Variants in UNC13A observed in about 807,000 individuals in gnomAD.
UNC13A encodes the protein protein unc-13 homolog A.
UNC13A carries 61 observed loss-of-function variants against 219.7 expected under a neutral mutation model. That is an observed-to-expected ratio of 0.28 (90% confidence interval 0.23 to 0.34). The LOEUF is 0.34. Among genes scored for constraint, UNC13A ranks in the 10% least tolerant of loss-of-function variants. The pLI, the probability that UNC13A is intolerant of heterozygous loss-of-function variation, is 1.00. For synonymous variants in UNC13A, 920 were observed against 884.6 expected (o/e 1.04, Z -0.71); for missense variants, 1,476 against 2,270.3 (o/e 0.65, Z 7.11).
intron 11 of UNC13A, among the ~76,000 whole-genome samples, chr19:17,653,329 A>AATAT (rs58439414): frequency 0.45 from 66,165 of 148,336 alleles, 16,261 homozygotes; most frequent in East Asian, 0.66. Flanking sequence ...TCCTGAAATA[A>AATAT]ATATATATAT....
intron 34 of UNC13A, among the ~76,000 whole-genome samples, chr19:17,626,137 A>G (rs1293918476): frequency 6.8e-6 from 1 of 146,272 alleles, no homozygotes; most frequent in African/African-American, 2.6e-5. Flanking sequence ...ATTTATCCAC[A>G]TATCCAACCA....
At chr19:17,608,597 A>C (rs1483611484) in intron 43 of UNC13A, among the ~76,000 whole-genome samples, 5 of 149,572 alleles carry the variant, frequency 3.3e-5, no homozygotes, top group African/African-American at 1.2e-4. Context: ...GGCTCACTGC[A>C]AGCTCTGCCT....
chr19:17,610,300 T>A (rs1472660423), intron 42 of UNC13A, among the ~76,000 whole-genome samples: 2 of 151,900 alleles, frequency 1.3e-5, no homozygotes, highest in Non-Finnish European at 2.9e-5. Context: ...ACCCTGTCTC[T>A]ACGAAAAATA....
intron 28 of UNC13A, among the ~76,000 whole-genome samples, chr19:17,632,326 C>T (rs1027076328): frequency 6.6e-6 from 1 of 152,068 alleles, no homozygotes; most frequent in East Asian, 1.9e-4. Context: ...ATTACAGGCA[C>T]AAGCCACTGT....
intron 36 of UNC13A, 77 bp downstream of exon 36, chr19:17,623,465 G>T: frequency 8.4e-7 from 1 of 1,194,192 alleles, no homozygotes; most frequent in Non-Finnish European, 1.2e-6. Flanking sequence ...GTGGGGAGAG[G>T]GGTGCAGCGA....
At position 17,633,888 on chromosome 19, in the gene UNC13A, CCCAT is replaced by C. The variant is rs779313741; in HGVS notation, c.3216-699_3216-696del. 2.9e-3 allele frequency among the ~76,000 whole-genome samples: 425 copies of C among 144,970 alleles called. 1 individual carries two copies. The highest frequency in any genetic ancestry group is 1.0e-2 in the African/African-American group (388 of 38,912). ...ACCCATCTATCTATTCATCTATCCA[CCCAT>C]CCATCCATCCATCCCTCTTTCCATT... is the stretch of plus-strand genomic sequence containing the variant. On this transcript the variant is annotated intron_variant, in intron 26 of 43. Coordinates refer to ENST00000519716, the MANE Select transcript of UNC13A (RefSeq NM_001080421.3).
At chr19:17,631,159 C>G (rs1341490507) in intron 28 of UNC13A, among the ~76,000 whole-genome samples, 451 of 21,292 alleles carry the variant, frequency 0.021, 2 homozygotes, top group Middle Eastern at 0.056. Flanking sequence ...TGTTTTCTCC[C>G]TCCCTCCCTC....
At chr19:17,626,807 G>A in intron 33 of UNC13A, 22 bp from the exon 34 acceptor site, 1 of 1,599,302 alleles carries the variant, frequency 6.3e-7, no homozygotes, top group African/African-American at 1.3e-5. Context: ...GAAGGGAAGG[G>A]CTCAGACCAC....
chr19:17,628,130 C>G (rs2076803154), intron 31 of UNC13A, 190 bp from the exon 32 acceptor site: 5 of 597,274 alleles, frequency 8.4e-6, no homozygotes, highest in Non-Finnish European at 1.5e-5. Context: ...GGGCGGGCAT[C>G]TCTGGGGACT....
chr19:17,623,396 A>C (rs910483855), intron 36 of UNC13A, 146 bp downstream of exon 36: 1 of 565,990 alleles, frequency 1.8e-6, no homozygotes. Context: ...CGCCCCAGAC[A>C]GACACAGGCA....
chr19:17,624,712 G>A (rs2144977924), intron 35 of UNC13A, 117 bp downstream of exon 35: 1 of 1,402,278 alleles, frequency 7.1e-7, no homozygotes, highest in Non-Finnish European at 9.4e-7. Context: ...GAGCCTGGAT[G>A]ACCTCTCTGA....
intron 7 of UNC13A, among the ~76,000 whole-genome samples, chr19:17,666,249 G>A (rs1193072721): frequency 7.0e-6 from 1 of 143,482 alleles, no homozygotes; most frequent in Non-Finnish European, 1.5e-5. Context: ...GTCTTGCTCT[G>A]TCACCCAGGC....
In UNC13A at chr19:17,666,910, GAAAGAC is replaced by G. The variant is rs1415641903; in HGVS notation, c.469-212_469-207del. ...AGAGAGAGAGAGAGAGAGAGAGAGA[GAAAGAC>G]AGAGACAGAGACAGAGACAGAAAAA... On this transcript the variant is annotated intron_variant, in intron 6 of 43. Coordinates refer to ENST00000519716, the MANE Select transcript of UNC13A (RefSeq NM_001080421.3). Among the ~76,000 whole-genome samples the G allele has an allele frequency of 1.8e-3, 49 of 27,092 alleles. 2 individuals carry two copies. In the East Asian group the frequency reaches 0.029, roughly 16 times the overall value. 17.8% of individuals were successfully genotyped at this position (27,092 alleles called of 152,430 possible). A position where few individuals can be genotyped will look rare whatever the true frequency, so the allele number is the denominator to read the frequency against.
rs756708503 is a variant in UNC13A at position 17,639,126 on chromosome 19, T to C, written c.3038A>G (p.Asn1013Ser). Reference sequence around the variant, plus strand: ...CCGGCTGTACAGTTCATGGCAGTTATTGAAGATGTACTCGTAGGTAGAATT... The same window carrying C: ...CCGGCTGTACAGTTCATGGCAGTTACTGAAGATGTACTCGTAGGTAGAATT... ...CLNSTYEYIF[N>S]NCHELYSREY... is the part of the protein sequence containing the mutation. The change falls in exon 25 of 44, where the codon AAT (asparagine) becomes AGT (serine). Residue 1013 changes from asparagine to serine, a missense_variant. Transcript: ENST00000519716. The C allele has an allele frequency of 1.9e-6, 3 of 1,613,174 alleles. No homozygotes were observed. Among genetic ancestry groups the C allele is most frequent in the Admixed American group, 3.3e-5 (2 of 59,878 alleles).
At chr19:17,614,795 A>C (rs927888380) in intron 41 of UNC13A, among the ~76,000 whole-genome samples, 2 of 147,924 alleles carry the variant, frequency 1.4e-5, no homozygotes, top group Non-Finnish European at 1.5e-5. Context: ...TTCCACCCCC[A>C]CCCCCCGCCA....
At chr19:17,656,458 C>A in intron 9 of UNC13A, 60 bp from the exon 10 acceptor site, 2 of 1,431,864 alleles carry the variant, frequency 1.4e-6, no homozygotes, top group African/African-American at 1.4e-5. Context: ...ACCTGAGCCC[C>A]AGTCACACAG....
chr19:17,630,754 G>A lies in UNC13A; in HGVS notation c.3429-4C>T. 6.2e-7 allele frequency: 1 copy of A among 1,613,194 alleles called. No homozygotes were observed. Among genetic ancestry groups the A allele is most frequent in the Non-Finnish European group, 8.5e-7 (1 of 1,179,616 alleles). ...GATGACGAAGGGTTCAAACCATCTG[G>A]AATGAAGAGCCGGGGTGGGGCTCTG... On this transcript the variant is annotated splice_region_variant and splice_polypyrimidine_tract_variant and intron_variant, in intron 28 of 43. Transcript: ENST00000519716.
At chr19:17,686,621 G>A (rs1367913230) in intron 1 of UNC13A, among the ~76,000 whole-genome samples, 3 of 151,946 alleles carry the variant, frequency 2.0e-5, no homozygotes, top group East Asian at 3.9e-4. Context: ...GGGGATGGAG[G>A]AGTTGACCTT....
At position 17,674,820 on chromosome 19, in the gene UNC13A, C is replaced by T; in HGVS notation, c.53-64G>A. Reference sequence around the variant, plus strand: ...GGACTCTCCAATGCCCCTTCCCAAGCTCTAGACCATCTGCTGTGATCCCCT... The same window carrying T: ...GGACTCTCCAATGCCCCTTCCCAAGTTCTAGACCATCTGCTGTGATCCCCT... On this transcript the variant is annotated intron_variant, in intron 2 of 43. Transcript: ENST00000519716. The surrounding 1 kb of genome is among the most constrained non-coding windows in gnomAD (Gnocchi z 5.0). The T allele has an allele frequency of 7.2e-7, 1 of 1,386,952 alleles. No individual in the cohort carries two copies. Among genetic ancestry groups the T allele is most frequent in the Admixed American group, 1.7e-5 (1 of 59,124 alleles). The allele number at this position is 1,386,952 out of a possible 1,614,324, so 85.9% of individuals were successfully genotyped here.
Sources: allele counts gnomAD v4.1 joint callset (sites outside exome capture counted in the v4.1 genomes callset), GRCh38; gene constraint gnomAD v4.1.1; non-coding constraint Gnocchi (gnomAD v3.1); transcripts MANE v1.5; gene names NCBI Gene and HGNC (gene_info 2026-07-23, HGNC 2026-07-21).